The following PACS2 variants were observed in gnomAD, a reference collection of about 807,000 sequenced individuals.
PACS2 encodes PACS1-like protein.
PACS2 carries 36 observed loss-of-function variants against 113.0 expected under a neutral mutation model. That is an observed-to-expected ratio of 0.32 (90% CI 0.24 to 0.42). PACS2 has a LOEUF of 0.42. Among genes scored for constraint, PACS2 ranks in the 10% least tolerant of loss-of-function variants. The probability of loss-of-function intolerance (pLI) is 1.00; values close to 1 mark genes in which losing one functional copy is unlikely to be tolerated. For synonymous variants in PACS2, 589 were observed against 536.1 expected, an observed-to-expected ratio of 1.10 and a Z score of -1.36; for missense variants, 1,015 against 1,239.5, an observed-to-expected ratio of 0.82 and a Z score of 2.72.
chr14:105,356,346 G>A lies in PACS2; in HGVS notation c.423+1169G>A, dbSNP rs868977520. Among the ~76,000 whole-genome samples the A allele has an allele frequency of 7.9e-5, 12 of 152,304 alleles. No homozygotes were observed. The highest frequency in any genetic ancestry group is 3.4e-3 in the Middle Eastern group (1 of 294). On this transcript the variant is annotated intron_variant, in intron 4 of 24. Transcript: ENST00000447393. This position sits in a 1 kb window ranked among gnomAD's most constrained non-coding sequence, Gnocchi z 4.0. Reference sequence around the variant, plus strand: ...GTACAGGAAGCAGCAGTGGCGTCCCGAGGCCTCGCTTCTCCGTGCCGCCGC... The same window carrying A: ...GTACAGGAAGCAGCAGTGGCGTCCCAAGGCCTCGCTTCTCCGTGCCGCCGC...
At chr14:105,325,199 A>G (rs1595573955) in intron 1 of PACS2, among the ~76,000 whole-genome samples, 1 of 27,988 alleles carries the variant, frequency 3.6e-5, no homozygotes, top group African/African-American at 1.6e-4. Flanking sequence ...GTGGTTGTGG[A>G]GGGGTCAGTG....
At chr14:105,381,829 T>C in intron 12 of PACS2, 85 bp from the exon 13 acceptor site, 1 of 1,258,926 alleles carries the variant, frequency 7.9e-7, no homozygotes, top group Non-Finnish European at 1.1e-6. Flanking sequence ...CCACAATGTG[T>C]AGGCCACTGC....
intron 18 of PACS2, among the ~76,000 whole-genome samples, chr14:105,385,302 G>C (rs587767578): frequency 6.6e-6 from 1 of 152,344 alleles, no homozygotes; most frequent in East Asian, 1.9e-4. Context: ...TCCAGTCTGG[G>C]CACCTGTTCC....
chr14:105,319,924 A>G (rs2058825785), intron 1 of PACS2, among the ~76,000 whole-genome samples: 1 of 152,256 alleles, frequency 6.6e-6, no homozygotes, highest in East Asian at 1.9e-4. Flanking sequence ...TAAGAGGATT[A>G]TATAATTTTT....
At chr14:105,387,525 C>T (rs1381109819) in intron 19 of PACS2, among the ~76,000 whole-genome samples, 2 of 152,222 alleles carry the variant, frequency 1.3e-5, no homozygotes, top group African/African-American at 4.8e-5. Context: ...CTCCTGACCA[C>T]ACTGCCTCCA....
Position 105,384,447 on chromosome 14 carries a change from G to A in PACS2, c.1875G>A (p.Leu625=). ...DLAWRDLFNK[L]EAQSAVQDTP... ...CCTGGAGAGACCTGTTCAACAAGCT[G>A]GAGGCCCAGAGTGCGGGTGAGGCCC... Residue 625 remains leucine, a synonymous_variant, in exon 17 of 25, where the codon CTG becomes CTA. Coordinates refer to ENST00000447393, the MANE Select transcript of PACS2 (RefSeq NM_001100913.3). The A allele has an allele frequency of 6.2e-7, 1 of 1,610,946 alleles. No homozygotes were observed. The highest frequency in any genetic ancestry group is 1.1e-5 in the South Asian group (1 of 90,992).
chr14:105,362,395 C>A (rs778417482), intron 4 of PACS2, among the ~76,000 whole-genome samples: 6 of 139,606 alleles, frequency 4.3e-5, no homozygotes, highest in Non-Finnish European at 9.0e-5. Context: ...CCAGCCTGGG[C>A]GACAGAGCGA....
rs1555412135 is a variant in PACS2, at chr14:105,381,935, C to CCGA, written c.1293_1295dup (p.Arg432dup). On this transcript the variant is annotated inframe_insertion, in exon 13 of 25. Coordinates refer to ENST00000447393, the MANE Select transcript of PACS2 (RefSeq NM_001100913.3). The stretch of plus-strand genomic sequence containing the variant: ...ATAGGTCCGAGGGGAAGCAGGCTGG[C>CCGA]CGACGGGGCCGGAGCACATCCTTGA... 1.3e-6 allele frequency: 2 copies of CCGA among 1,550,528 alleles called. No individual in the cohort carries two copies. Among genetic ancestry groups the CCGA allele is most frequent in the Non-Finnish European group, 1.7e-6 (2 of 1,146,962 alleles).
chr14:105,382,596 T>A lies in PACS2; in HGVS notation c.1518+15T>A. The A allele has an allele frequency of 1.3e-6, 2 of 1,488,928 alleles. No individual in the cohort carries two copies. Among genetic ancestry groups the A allele is most frequent in the Non-Finnish European group, 1.9e-6 (2 of 1,067,384 alleles). The allele number at this position is 1,488,928 out of a possible 1,614,324, so 92.2% of individuals were successfully genotyped here. Reference sequence around the variant, plus strand: ...GGCAGGGGCAGGTAGAGGGGCAGTCTCTTGGAGTGGAGGGTCAGGGTGTAG... The same window carrying A: ...GGCAGGGGCAGGTAGAGGGGCAGTCACTTGGAGTGGAGGGTCAGGGTGTAG... On this transcript the variant is annotated intron_variant, in intron 14 of 24. Transcript: ENST00000447393.
In PACS2 at chr14:105,381,979, G is replaced by T; in HGVS notation, c.1334G>T (p.Arg445Leu). 6.5e-7 allele frequency: 1 copy of T among 1,550,260 alleles called. No individual in the cohort carries two copies. The highest frequency in any genetic ancestry group is 8.7e-7 in the Non-Finnish European group (1 of 1,147,124). ...TCCTTGAAGGAGCGGCAGGCAGCAC[G>T]GCCCCAGAATGAGCGGGCCAACAGC... Reference protein sequence around the residue: ...STSLKERQAARPQNERANSLD... With the variant: ...STSLKERQAALPQNERANSLD... Residue 445 changes from arginine (R) to leucine (L), a missense_variant, in exon 13 of 25, where the codon CGG (arginine) becomes CTG (leucine). Transcript: ENST00000447393.
chr14:105,351,917 G>A (rs1333648957), intron 2 of PACS2, among the ~76,000 whole-genome samples: 13 of 152,250 alleles, frequency 8.5e-5, no homozygotes, highest in African/African-American at 3.1e-4. Flanking sequence ...GAGCTACTTA[G>A]GAGGCTGAGG....
chr14:105,359,369 G>A (rs115966866), intron 4 of PACS2, among the ~76,000 whole-genome samples: 3,777 of 151,050 alleles, frequency 0.025, 177 homozygotes, highest in African/African-American at 0.086. Flanking sequence ...GTGCAGTGGC[G>A]CGATCTCAGT....
intron 1 of PACS2, among the ~76,000 whole-genome samples, chr14:105,304,172 A>G (rs1335227230): frequency 6.6e-6 from 1 of 152,164 alleles, no homozygotes; most frequent in Non-Finnish European, 1.5e-5. Context: ...GGGGAAGACC[A>G]CACCCACAAC....
At chr14:105,375,467 G>A (rs1175148723) in intron 8 of PACS2, among the ~76,000 whole-genome samples, 5 of 140,742 alleles carry the variant, frequency 3.6e-5, no homozygotes, top group Non-Finnish European at 7.5e-5. Context: ...AACAGACAGT[G>A]CGAGACTCCA....
At position 105,384,404 on chromosome 14, in the gene PACS2, A is replaced by G. The variant is rs201080466; in HGVS notation, c.1832A>G (p.Asn611Ser). The change falls in exon 17 of 25, where the codon AAC (asparagine) becomes AGC (serine). Residue 611 changes from asparagine to serine, a missense_variant. Transcript: ENST00000447393. ...GGCTCCGTGGACTACCGCTACAACAACTTCTTCCAGGACCTGGCCTGGAGA... is the reference window on the plus strand; with the variant it reads ...GGCTCCGTGGACTACCGCTACAACAGCTTCTTCCAGGACCTGGCCTGGAGA... ...YLGSVDYRYNNFFQDLAWRDL... is the reference protein window; with the variant it reads ...YLGSVDYRYNSFFQDLAWRDL... 92 of 1,612,548 alleles carry G rather than the reference A, an allele frequency of 5.7e-5. No homozygotes were observed. The South Asian group carries it at 5.7e-4, about 10-fold the overall frequency.
chr14:105,329,846 G>A lies in PACS2; in HGVS notation c.119+14809G>A, dbSNP rs1279959285. Among the ~76,000 whole-genome samples the A allele has an allele frequency of 6.6e-6, 1 of 152,224 alleles. No homozygotes were observed. Among genetic ancestry groups the A allele is most frequent in the African/African-American group, 2.4e-5 (1 of 41,458 alleles). On this transcript the variant is annotated intron_variant, in intron 1 of 24. Transcript: ENST00000447393. This position sits in a 1 kb window ranked among gnomAD's most constrained non-coding sequence, Gnocchi z 6.4. ...GGAGGGTGAGGTCTCTGCAGCGGGA[G>A]CATCCAGGCCTGGAACTCGAGCTGT...
rs782727405 is a variant in PACS2 at position 105,384,405 on chromosome 14, C to A, written c.1833C>A (p.Asn611Lys). ...YLGSVDYRYN[N>K]FFQDLAWRDL... ...GCTCCGTGGACTACCGCTACAACAACTTCTTCCAGGACCTGGCCTGGAGAG... is the reference window on the plus strand; with the variant it reads ...GCTCCGTGGACTACCGCTACAACAAATTCTTCCAGGACCTGGCCTGGAGAG... Residue 611 changes from asparagine to lysine, a missense_variant, in exon 17 of 25, where the codon AAC becomes AAA. By Grantham distance (94) the Asn-to-Lys change is moderately conservative. Around this residue, in one of 3 missense-constraint regions of PACS2, gnomAD observed 859 missense variants for 1,056.8 expected, o/e 0.81. Coordinates refer to ENST00000447393, the MANE Select transcript of PACS2 (RefSeq NM_001100913.3). 1.9e-6 allele frequency: 3 copies of A among 1,612,626 alleles called. No individual in the cohort carries two copies. Among genetic ancestry groups the A allele is most frequent in the Admixed American group, 1.7e-5 (1 of 60,018 alleles).
At chr14:105,387,059 G>A (rs587686637) in intron 19 of PACS2, among the ~76,000 whole-genome samples, 5 of 152,174 alleles carry the variant, frequency 3.3e-5, no homozygotes, top group South Asian at 2.1e-4. Flanking sequence ...CCCTGCCTCC[G>A]TGTTGCAGGG....
intron 1 of PACS2, among the ~76,000 whole-genome samples, chr14:105,331,660 G>A (rs1042656682): frequency 6.6e-6 from 1 of 152,190 alleles, no homozygotes; most frequent in Non-Finnish European, 1.5e-5. Context: ...AATGTGAAAG[G>A]CCTGTTGACA....
Sources: gnomAD v4.1 joint callset for allele counts (sites outside exome capture counted in the v4.1 genomes callset) on GRCh38, gnomAD v4.1.1 for gene constraint, gnomAD v4.1.1 regional missense constraint, Gnocchi (gnomAD v3.1) non-coding constraint, MANE v1.5 for transcripts, NCBI Gene and HGNC (gene_info 2026-07-23, HGNC 2026-07-21) for gene names.